Variants in MTBP observed in about 807,000 individuals in gnomAD.
MTBP encodes mdm2-binding protein.
In MTBP, 101 loss-of-function variants were observed where a neutral mutation model predicts 117.0. The observed-to-expected ratio is 0.86, with a 90% CI of 0.73 to 1.02. The LOEUF (loss-of-function observed/expected upper bound fraction) is 1.02, where lower values mean the gene tolerates loss of function less well. Among genes scored for constraint, MTBP ranks in the 50% least tolerant of loss-of-function variants. MTBP has a pLI of 0.00. For missense variants in MTBP, 970 were observed against 1,030.9 expected, an observed-to-expected ratio of 0.94 and a Z score of 0.81; for synonymous variants, 350 against 351.5, an observed-to-expected ratio of 1.00 and a Z score of 0.05.
rs569594378 is a variant in MTBP, at chr8:120,476,583, A to C, written c.1165+5646A>C. On this transcript the variant is annotated intron_variant, in intron 11 of 21. Coordinates refer to ENST00000305949, the MANE Select transcript of MTBP (RefSeq NM_022045.5). ...TCTCAAGATACAAAATCAATGTGCA[A>C]AAATTACAAACATTCCTATACACCA... Among the ~76,000 whole-genome samples the C allele has an allele frequency of 3.9e-5, 6 of 152,278 alleles. 1 individual carries two copies. In the East Asian group the frequency reaches 7.7e-4, roughly 20 times the overall value.
intron 5 of MTBP, 115 bp downstream of exon 5, chr8:120,454,020 A>G: frequency 1.9e-6 from 1 of 535,724 alleles, no homozygotes; most frequent in Non-Finnish European, 3.2e-6. Context: ...AAATTAAAAA[A>G]TGCAAAACAA....
intron 11 of MTBP, among the ~76,000 whole-genome samples, chr8:120,479,940 G>T (rs1315945571): frequency 6.6e-6 from 1 of 152,082 alleles, no homozygotes; most frequent in Non-Finnish European, 1.5e-5. Flanking sequence ...TAATCTAAAT[G>T]AGTAGAAGGA....
intron 5 of MTBP, 117 bp downstream of exon 5, chr8:120,454,022 G>T: frequency 1.9e-6 from 1 of 535,784 alleles, no homozygotes; most frequent in Non-Finnish European, 3.2e-6. Flanking sequence ...ATTAAAAAAT[G>T]CAAAACAATT....
At chr8:120,470,081 A>G (rs1030416178) in intron 10 of MTBP, among the ~76,000 whole-genome samples, 1 of 152,216 alleles carries the variant, frequency 6.6e-6, no homozygotes, top group Non-Finnish European at 1.5e-5. Flanking sequence ...ATATAGCTGC[A>G]TTTCTAAAAT....
intron 20 of MTBP, 62 bp downstream of exon 20, chr8:120,518,879 T>TA (rs1211170179): frequency 4.4e-5 from 51 of 1,170,198 alleles, no homozygotes; most frequent in South Asian, 5.8e-5. Context: ...CTGTTTGACA[T>TA]AAAAAAAAGT....
At chr8:120,461,124 G>A (rs1294250669) in intron 8 of MTBP, 37 bp from the exon 9 acceptor site, 1 of 1,398,074 alleles carries the variant, frequency 7.2e-7, no homozygotes, top group Non-Finnish European at 1.0e-6. Flanking sequence ...TTTGTTTATG[G>A]TATTTAAATA....
chr8:120,513,893 A>G (rs1300092816), intron 17 of MTBP, among the ~76,000 whole-genome samples: 1 of 151,920 alleles, frequency 6.6e-6, no homozygotes, highest in East Asian at 1.9e-4. Flanking sequence ...TTTCTTAAGC[A>G]ACAGACTAGA....
chr8:120,476,604 C>G (rs1813946151), intron 11 of MTBP, among the ~76,000 whole-genome samples: 1 of 152,066 alleles, frequency 6.6e-6, no homozygotes, highest in Non-Finnish European at 1.5e-5. Context: ...CATTCCTATA[C>G]ACCAATAATA....
chr8:120,453,388 A>C (rs1813401454), intron 4 of MTBP, among the ~76,000 whole-genome samples: 1 of 152,114 alleles, frequency 6.6e-6, no homozygotes, highest in South Asian at 2.1e-4. Context: ...TTGAGGCTGC[A>C]GTGAGCTGTG....
At chr8:120,459,184 TTGTAAC>T in intron 7 of MTBP, 25 bp from the exon 8 acceptor site, 1 of 1,582,380 alleles carries the variant, frequency 6.3e-7, no homozygotes, top group Non-Finnish European at 8.6e-7. Context: ...TTCATGATAC[TTGTAAC>T]TGTGTTTTCT....
chr8:120,451,739 C>T (rs998482374), intron 4 of MTBP: 1 of 154,986 alleles, frequency 6.5e-6, no homozygotes, highest in African/African-American at 2.4e-5. Context: ...ACCACCACAC[C>T]CAGCTAATTT....
rs761004664 is a variant in MTBP, at chr8:120,451,329, T to G, written c.425+7T>G. 9 of 1,606,016 alleles carry G rather than the reference T, an allele frequency of 5.6e-6. No individual in the cohort carries two copies. The South Asian group carries it at 8.8e-5, about 16-fold the overall frequency. ...AATCATTATCCTTGGCTGAGTATGCTTATATGGTTTTTGTATTATCATTAA... is the reference window on the plus strand; with the variant it reads ...AATCATTATCCTTGGCTGAGTATGCGTATATGGTTTTTGTATTATCATTAA... On this transcript the variant is annotated splice_region_variant and intron_variant, in intron 4 of 21. Coordinates refer to ENST00000305949, the MANE Select transcript of MTBP (RefSeq NM_022045.5).
At position 120,502,759 on chromosome 8, in the gene MTBP, T is replaced by C. The variant is rs1814611623; in HGVS notation, c.1727+150T>C. 3 of 551,238 alleles carry C rather than the reference T, an allele frequency of 5.4e-6. 1 individual carries two copies. Among genetic ancestry groups the C allele is most frequent in the African/African-American group, 1.9e-5 (1 of 52,602 alleles). The allele number at this position is 551,238 out of a possible 1,614,324, so 34.1% of individuals were successfully genotyped here. A position where few individuals can be genotyped will look rare whatever the true frequency, so the allele number is the denominator to read the frequency against. Reference sequence around the variant, plus strand: ...TTACTGTGAATAGATAGTTAATCACTAGAGTAGTATATCAATTAAAAGGGA... The same window carrying C: ...TTACTGTGAATAGATAGTTAATCACCAGAGTAGTATATCAATTAAAAGGGA... On this transcript the variant is annotated intron_variant, in intron 15 of 21. Transcript: ENST00000305949.
chr8:120,490,821 A>C (rs1431833591), intron 13 of MTBP: 2 of 262,476 alleles, frequency 7.6e-6, no homozygotes, highest in East Asian at 1.6e-4. Context: ...TTGTATTTCA[A>C]AATTTGTTTT....
At chr8:120,488,422 A>AT (rs1814265749) in intron 12 of MTBP, 90 bp downstream of exon 12, 1 of 927,106 alleles carries the variant, frequency 1.1e-6, no homozygotes, top group African/African-American at 1.7e-5. Flanking sequence ...AATACTAAAC[A>AT]TTTAATGAAT....
rs1308920825 is a variant in MTBP at position 120,488,102 on chromosome 8, CTGTTG to C, written c.1166-48_1166-44del. On this transcript the variant is annotated intron_variant, in intron 11 of 21. Transcript: ENST00000305949. ...TATCCTATGGATCAAATGTATGGTT[CTGTTG>C]TGTTGTGTGCTGAATTTTCACATAC... The C allele has an allele frequency of 1.4e-5, 20 of 1,384,558 alleles. No individual in the cohort carries two copies. The African/African-American group carries it at 2.9e-4, about 20-fold the overall frequency. 85.8% of individuals were successfully genotyped at this position (1,384,558 alleles called of 1,614,324 possible).
intron 11 of MTBP, chr8:120,471,470 T>G (rs917368049): frequency 2.0e-5 from 3 of 152,146 alleles, no homozygotes. Flanking sequence ...GCCTGGCTAA[T>G]TTTTATATTT....
intron 17 of MTBP, among the ~76,000 whole-genome samples, chr8:120,511,174 A>G (rs186051946): frequency 2.4e-3 from 359 of 152,332 alleles, no homozygotes; most frequent in Middle Eastern, 3.4e-3. Flanking sequence ...TGAGAGGATT[A>G]TTATTCTCCC....
intron 12 of MTBP, among the ~76,000 whole-genome samples, chr8:120,488,630 T>A (rs1250426417): frequency 6.6e-6 from 1 of 152,170 alleles, no homozygotes; most frequent in African/African-American, 2.4e-5. Flanking sequence ...TTGCTATATT[T>A]CCCATTTTCA....
Sources: allele counts gnomAD v4.1 joint callset (sites outside exome capture counted in the v4.1 genomes callset), GRCh38; gene constraint gnomAD v4.1.1; transcripts MANE v1.5; gene names NCBI Gene and HGNC (gene_info 2026-07-23, HGNC 2026-07-21).